STAG3: variants seen among roughly 807,000 people sequenced by gnomAD.
The protein encoded by STAG3 is cohesin subunit SA-3.
STAG3 carries 101 observed loss-of-function variants against 160.7 expected under a neutral mutation model. The observed-to-expected ratio is 0.63, with a 90% confidence interval of 0.54 to 0.74. The LOEUF (loss-of-function observed/expected upper bound fraction) is 0.74, where lower values mean the gene tolerates loss of function less well. STAG3 is among the 30% of genes least tolerant of loss of function. STAG3 has a pLI of 0.00. For synonymous variants in STAG3, 519 were observed against 585.0 expected, an observed-to-expected ratio of 0.89 and a Z score of 1.63; for missense variants, 1,188 against 1,517.4, an observed-to-expected ratio of 0.78 and a Z score of 3.61.
chr7:100,180,853 G>T, intron 2 of STAG3, 181 bp downstream of exon 2: 3 of 477,622 alleles, frequency 6.3e-6, no homozygotes, highest in East Asian at 3.7e-5. Context: ...CCTAGATGTT[G>T]TAGACATCAA....
At position 100,202,606 on chromosome 7, in the gene STAG3, A is replaced by G; in HGVS notation, c.2700+16A>G. 6.2e-7 allele frequency: 1 copy of G among 1,607,134 alleles called. No homozygotes were observed. The highest frequency in any genetic ancestry group is 8.5e-7 in the Non-Finnish European group (1 of 1,176,548). On this transcript the variant is annotated intron_variant, in intron 25 of 33. Transcript: ENST00000615138. ...CTACAACAAGGTACACCAAGGCCCT[A>G]CAGAAATAAAAGAGAAGGGAGCAAG...
chr7:100,193,137 C>T (rs1800444029), intron 8 of STAG3, among the ~76,000 whole-genome samples: 1 of 152,140 alleles, frequency 6.6e-6, no homozygotes, highest in Non-Finnish European at 1.5e-5. Context: ...TGAAAGGAAT[C>T]TTTTTTTCTG....
At position 100,204,839 on chromosome 7, in the gene STAG3, C is replaced by A. The variant is rs1801485281; in HGVS notation, c.2951+64C>A. 23 of 1,601,552 alleles carry A rather than the reference C, an allele frequency of 1.4e-5. No individual in the cohort carries two copies. The South Asian group carries it at 1.8e-4, about 12-fold the overall frequency. On this transcript the variant is annotated intron_variant, in intron 27 of 33. Coordinates refer to ENST00000615138, the MANE Select transcript of STAG3 (RefSeq NM_001282717.2). ...TGGGAACGAGGTCTTGGAGGGAGGTCTCGGAGGGAGGGTATGTGTGTCAAG... is the reference window on the plus strand; with the variant it reads ...TGGGAACGAGGTCTTGGAGGGAGGTATCGGAGGGAGGGTATGTGTGTCAAG...
chr7:100,210,213 C>A (rs1176983865), intron 29 of STAG3, among the ~76,000 whole-genome samples: 1 of 152,150 alleles, frequency 6.6e-6, no homozygotes, highest in African/African-American at 2.4e-5. Context: ...TATGTCTCTT[C>A]CCTGTTTTCT....
rs762382366 is a variant in STAG3 at position 100,205,278 on chromosome 7, T to C, written c.3132T>C (p.His1044=). Residue 1044 remains histidine, a synonymous_variant, in exon 29 of 34, where the codon CAT becomes CAC. Coordinates refer to ENST00000615138, the MANE Select transcript of STAG3 (RefSeq NM_001282717.2). ...CLQHVSQAPG[H]PWGPVTTYCH... ...AGCATGTCTCCCAGGCACCTGGCCA[T>C]CCCTGGGGCCCAGTCACCACCTACT... 5.6e-6 allele frequency: 9 copies of C among 1,614,014 alleles called. No homozygotes were observed. The South Asian group carries it at 9.9e-5, about 18-fold the overall frequency.
chr7:100,180,260 G>A (rs1443919431), intron 1 of STAG3, among the ~76,000 whole-genome samples: 5 of 151,230 alleles, frequency 3.3e-5, no homozygotes, highest in Non-Finnish European at 5.9e-5. Context: ...GGGTCTTGCT[G>A]TATTGCCCAG....
Position 100,202,234 on chromosome 7 carries a change from T to C in STAG3, c.2457T>C (p.Arg819=). 6.2e-7 allele frequency: 1 copy of C among 1,614,178 alleles called. No individual in the cohort carries two copies. The highest frequency in any genetic ancestry group is 8.5e-7 in the Non-Finnish European group (1 of 1,180,038). ...GCCCTCAGATGATTGTTGGGGGCCG[T>C]GATTTCCTTAGGCCACTTGTCTTTT... The part of the protein sequence containing the change: ...IFSPQMIVGG[R]DFLRPLVFFP... Residue 819 remains arginine (R), a synonymous_variant, in exon 24 of 34, where the codon CGT becomes CGC. Coordinates refer to ENST00000615138, the MANE Select transcript of STAG3 (RefSeq NM_001282717.2).
intron 8 of STAG3, among the ~76,000 whole-genome samples, chr7:100,189,890 T>C (rs1395404128): frequency 6.6e-6 from 1 of 152,040 alleles, no homozygotes; most frequent in African/African-American, 2.4e-5. Flanking sequence ...CTGCCTGTCA[T>C]GCAGGGAATT....
At position 100,189,032 on chromosome 7, in the gene STAG3, T is replaced by C. The variant is rs756503897; in HGVS notation, c.715+16T>C. ...ACCCTGGCTGGTGAGCATTCATTTT[T>C]ACTCTGGACATTCTCCTGGGGATTT... On this transcript the variant is annotated intron_variant, in intron 7 of 33. Coordinates refer to ENST00000615138, the MANE Select transcript of STAG3 (RefSeq NM_001282717.2). 33 of 1,613,404 alleles carry C rather than the reference T, an allele frequency of 2.0e-5. No homozygotes were observed. The highest frequency in any genetic ancestry group is 2.7e-5 in the African/African-American group (2 of 74,924).
At chr7:100,209,095 G>T (rs1801929671) in intron 29 of STAG3, among the ~76,000 whole-genome samples, 2 of 152,130 alleles carry the variant, frequency 1.3e-5, no homozygotes, top group African/African-American at 4.8e-5. Context: ...TGGTTAGAGT[G>T]GAAAGTTCAT....
At chr7:100,199,072 T>A in intron 14 of STAG3, 115 bp downstream of exon 14, 1 of 1,049,916 alleles carries the variant, frequency 9.5e-7, no homozygotes, top group Non-Finnish European at 1.5e-6. Flanking sequence ...GGAGGATCCT[T>A]TGAGCCCAGG....
chr7:100,179,235 G>C (rs1248535623), intron 1 of STAG3, among the ~76,000 whole-genome samples: 1 of 148,118 alleles, frequency 6.8e-6, no homozygotes, highest in Non-Finnish European at 1.5e-5. Flanking sequence ...GTCTGAAGCT[G>C]CCCTGGTGTG....
intron 13 of STAG3, 105 bp downstream of exon 13, chr7:100,198,687 C>T: frequency 7.9e-7 from 1 of 1,268,310 alleles, no homozygotes; most frequent in East Asian, 2.3e-5. Context: ...GAAAGTCTCC[C>T]TGGTGTCTCC....
At chr7:100,192,441 T>C (rs939184510) in intron 8 of STAG3, among the ~76,000 whole-genome samples, 2 of 152,186 alleles carry the variant, frequency 1.3e-5, no homozygotes, top group Admixed American at 1.3e-4. Flanking sequence ...GGAGAATTGC[T>C]TGAACCCAGG....
intron 4 of STAG3, among the ~76,000 whole-genome samples, chr7:100,184,457 G>A (rs977998630): frequency 5.4e-5 from 7 of 128,618 alleles, no homozygotes; most frequent in Admixed American, 1.8e-4. Flanking sequence ...GTTGTACAGC[G>A]TGTTAGTTTT....
At chr7:100,215,769 T>G (rs1281023883), downstream of STAG3, among the ~76,000 whole-genome samples, 1 of 152,132 alleles carries the variant, frequency 6.6e-6, no homozygotes, top group Non-Finnish European at 1.5e-5. Context: ...TGACACTGTT[T>G]ATTGAGAGGC....
rs1372402080 is a variant in STAG3 at position 100,197,013 on chromosome 7, A to T, written c.942-143A>T. Reference sequence around the variant, plus strand: ...ATTTTACTATATATATAGTATTTACATCGGGAGGAAGAAATGAAAGGCATG... The same window carrying T: ...ATTTTACTATATATATAGTATTTACTTCGGGAGGAAGAAATGAAAGGCATG... On this transcript the variant is annotated intron_variant, in intron 9 of 33. Coordinates refer to ENST00000615138, the MANE Select transcript of STAG3 (RefSeq NM_001282717.2). 9 of 615,974 alleles carry T rather than the reference A, an allele frequency of 1.5e-5. No homozygotes were observed. In the East Asian group the frequency reaches 2.8e-4, roughly 19 times the overall value. 38.2% of individuals were successfully genotyped at this position (615,974 alleles called of 1,614,324 possible).
At chr7:100,191,529 G>A (rs1025862181) in intron 8 of STAG3, among the ~76,000 whole-genome samples, 1 of 152,178 alleles carries the variant, frequency 6.6e-6, no homozygotes, top group African/African-American at 2.4e-5. Flanking sequence ...ACTGTAGTCT[G>A]TTAAGTGTGC....
At chr7:100,188,198 G>A (rs1430742310) in intron 5 of STAG3, among the ~76,000 whole-genome samples, 1 of 152,164 alleles carries the variant, frequency 6.6e-6, no homozygotes, top group Non-Finnish European at 1.5e-5. Context: ...TTTCAGCCTG[G>A]TTGTGTGAGG....
Sources: allele counts gnomAD v4.1 joint callset (sites outside exome capture counted in the v4.1 genomes callset), GRCh38; gene constraint gnomAD v4.1.1; transcripts MANE v1.5; gene names NCBI Gene and HGNC (gene_info 2026-07-23, HGNC 2026-07-21).